ICA1L: variants seen among roughly 807,000 people sequenced by gnomAD.
ICA1L encodes the protein islet cell autoantigen 1-like protein.
In ICA1L, 50 loss-of-function variants were observed where a neutral mutation model predicts 61.3. The observed-to-expected ratio is 0.82, with a 90% confidence interval of 0.65 to 1.03. The LOEUF (loss-of-function observed/expected upper bound fraction) is 1.03. Among genes scored for constraint, ICA1L ranks in the 50% least tolerant of loss-of-function variants. The pLI, the probability that ICA1L is intolerant of heterozygous loss-of-function variation, is 0.00. For missense variants in ICA1L, 508 were observed against 556.7 expected (o/e 0.91, Z 0.88); for synonymous variants, 161 against 191.3 (o/e 0.84, Z 1.31).
chr2:202,799,563 G>C (rs894575368), intron 9 of ICA1L, among the ~76,000 whole-genome samples: 9 of 152,168 alleles, frequency 5.9e-5, no homozygotes, highest in Middle Eastern at 3.2e-3. Context: ...CCATTGAAGA[G>C]ATTGTAGCTA....
intron 1 of ICA1L, chr2:202,870,562 A>G (rs1421332778): frequency 6.6e-6 from 1 of 152,236 alleles, no homozygotes; most frequent in East Asian, 1.9e-4. Flanking sequence ...CAGTAAATGT[A>G]TAATTAACTC....
chr2:202,839,603 TG>T (rs1694264225), intron 1 of ICA1L, among the ~76,000 whole-genome samples: 1 of 140,038 alleles, frequency 7.1e-6, no homozygotes, highest in South Asian at 2.4e-4. Flanking sequence ...TGTGTGTGTG[TG>T]TGTGTGTGTG....
At chr2:202,807,154 CAT>C (rs1472287369) in intron 9 of ICA1L, among the ~76,000 whole-genome samples, 2 of 152,194 alleles carry the variant, frequency 1.3e-5, no homozygotes, top group African/African-American at 4.8e-5. Flanking sequence ...AACAACCAAA[CAT>C]CGGGTGAGAG....
chr2:202,813,779 TAATAA>T lies in ICA1L; in HGVS notation c.866+918_866+922del, dbSNP rs763207535. Among the ~76,000 whole-genome samples the T allele has an allele frequency of 4.6e-5, 7 of 152,326 alleles. No homozygotes were observed. In the East Asian group the frequency reaches 1.3e-3, roughly 29 times the overall value. The stretch of plus-strand genomic sequence containing the variant: ...AAAGAAAAACAAAGGGACAATAATA[TAATAA>T]AAGGGAAACGGGGCATGAAGGATGT... On this transcript the variant is annotated intron_variant, in intron 8 of 12. Transcript: ENST00000358299.
At position 202,853,033 on chromosome 2, in the gene ICA1L, C is replaced by T. The variant is rs550829908; in HGVS notation, c.-8+18586G>A. ...GCTGAAACCAGAACCCTTCCTTACACCTTATACAAAAATTAATTCAAGATT... is the reference window on the plus strand; with the variant it reads ...GCTGAAACCAGAACCCTTCCTTACATCTTATACAAAAATTAATTCAAGATT... On this transcript the variant is annotated intron_variant, in intron 1 of 12. Coordinates refer to ENST00000358299, the MANE Select transcript of ICA1L (RefSeq NM_001288622.3). 3.0e-4 allele frequency among the ~76,000 whole-genome samples: 45 copies of T among 151,994 alleles called. 1 individual carries two copies. In the South Asian group the frequency reaches 8.1e-3, roughly 27 times the overall value.
rs146456237 is a variant in ICA1L at position 202,838,494 on chromosome 2, G to A, written c.-7-9478C>T. Among the ~76,000 whole-genome samples, 159 of 152,110 alleles carry A rather than the reference G, an allele frequency of 1.0e-3. 2 individuals carry two copies. In the East Asian group the frequency reaches 0.024, roughly 23 times the overall value. On this transcript the variant is annotated intron_variant, in intron 1 of 12. Transcript: ENST00000358299. The stretch of plus-strand genomic sequence containing the variant: ...TGTTTCCTTACTGAATTTCTTTCTG[G>A]GTATCTGTCCATTGTTGACAGTGGG...
intron 10 of ICA1L, among the ~76,000 whole-genome samples, chr2:202,795,577 G>A (rs1240458041): frequency 1.3e-5 from 2 of 151,332 alleles, no homozygotes; most frequent in African/African-American, 4.9e-5. Flanking sequence ...CCTGGGCAAT[G>A]AGGGCGAAAC....
At position 202,818,411 on chromosome 2, in the gene ICA1L, G is replaced by C. The variant is rs544897224; in HGVS notation, c.559-868C>G. Among the ~76,000 whole-genome samples, 48 of 152,280 alleles carry C rather than the reference G, an allele frequency of 3.2e-4. No homozygotes were observed. In the South Asian group the frequency reaches 3.3e-3, roughly 11 times the overall value. On this transcript the variant is annotated intron_variant, in intron 5 of 12. Coordinates refer to ENST00000358299, the MANE Select transcript of ICA1L (RefSeq NM_001288622.3). ...AACAAGAAGCAAGGAGGTAGAGCAC[G>C]TTCTTCCTGGAGTGTAGGAAGCAAG... is the stretch of plus-strand genomic sequence containing the variant.
chr2:202,833,568 G>C (rs953137314), intron 1 of ICA1L, among the ~76,000 whole-genome samples: 1 of 152,072 alleles, frequency 6.6e-6, no homozygotes, highest in African/African-American at 2.4e-5. Flanking sequence ...CTGGGCGACA[G>C]AGTGACAGCC....
In ICA1L at chr2:202,828,996, C is replaced by A; in HGVS notation, c.14G>T (p.Gly5Val). 6.3e-7 allele frequency: 1 copy of A among 1,577,828 alleles called. No individual in the cohort carries two copies. Among genetic ancestry groups the A allele is most frequent in the South Asian group, 1.2e-5 (1 of 84,070 alleles). ...CTGATTATCTTCTGGTCTGGGTTGC[C>A]CAAAGGAATCCATGGAGTGACTACA... MDSF[G>V]QPRPEDNQSV... The change falls in exon 2 of 13, where the codon GGG (glycine) becomes GTG (valine). Residue 5 changes from glycine (G) to valine (V), a missense_variant. By Grantham distance (109) the Gly-to-Val change is moderately radical. Coordinates refer to ENST00000358299, the MANE Select transcript of ICA1L (RefSeq NM_001288622.3).
At position 202,788,936 on chromosome 2, in the gene ICA1L, G is replaced by A; in HGVS notation, c.1137C>T (p.Leu379=). 6.2e-7 allele frequency: 1 copy of A among 1,614,178 alleles called. No individual in the cohort carries two copies. Among genetic ancestry groups the A allele is most frequent in the Non-Finnish European group, 8.5e-7 (1 of 1,180,020 alleles). ...QTAFGSPSAS[L]TSQEPSMGSE... ...ACCCCATGGAAGGCTCCTGGGATGT[G>A]AGACTGGCACTGGGGCTCCCAAAGG... is the stretch of plus-strand genomic sequence containing the variant. The change falls in exon 11 of 13, where the codon CTC becomes CTT. Residue 379 remains leucine, a synonymous_variant. Coordinates refer to ENST00000358299, the MANE Select transcript of ICA1L (RefSeq NM_001288622.3).
intron 1 of ICA1L, among the ~76,000 whole-genome samples, chr2:202,865,554 A>C (rs1390011302): frequency 1.3e-5 from 2 of 152,168 alleles, no homozygotes; most frequent in Non-Finnish European, 1.5e-5. Context: ...TTTACCTTTA[A>C]TATTGGGAAA....
At chr2:202,812,422 C>T (rs1320476157) in intron 8 of ICA1L, among the ~76,000 whole-genome samples, 1 of 151,902 alleles carries the variant, frequency 6.6e-6, no homozygotes, top group African/African-American at 2.4e-5. Flanking sequence ...ACCAAAAATA[C>T]AAAAATTAGC....
intron 1 of ICA1L, among the ~76,000 whole-genome samples, chr2:202,852,751 T>C (rs1425377361): frequency 6.6e-6 from 1 of 150,898 alleles, no homozygotes; most frequent in Non-Finnish European, 1.5e-5. Context: ...GACTTTTTAA[T>C]GATCACCATT....
intron 9 of ICA1L, among the ~76,000 whole-genome samples, chr2:202,806,287 A>G (rs1001411941): frequency 6.6e-6 from 1 of 152,188 alleles, no homozygotes; most frequent in African/African-American, 2.4e-5. Flanking sequence ...GACAAGGTAG[A>G]GTCCCAAGGC....
At chr2:202,844,606 A>C (rs1486122671) in intron 1 of ICA1L, 2 of 152,108 alleles carry the variant, frequency 1.3e-5, no homozygotes, top group Admixed American at 1.3e-4. Context: ...GAGAAGAAAG[A>C]AGGAATTGAG....
At chr2:202,850,578 A>T (rs1176511720) in intron 1 of ICA1L, among the ~76,000 whole-genome samples, 1 of 152,230 alleles carries the variant, frequency 6.6e-6, no homozygotes, top group Non-Finnish European at 1.5e-5. Context: ...GCATGAAGAC[A>T]AAATTAGAGA....
intron 1 of ICA1L, chr2:202,840,442 C>T (rs890532592): frequency 6.1e-6 from 3 of 494,602 alleles, no homozygotes; most frequent in Non-Finnish European, 1.2e-5. Context: ...AGATGGAGCC[C>T]ATGCCAGAGC....
intron 10 of ICA1L, among the ~76,000 whole-genome samples, chr2:202,793,773 G>A (rs1692831062): frequency 6.6e-6 from 1 of 151,656 alleles, no homozygotes; most frequent in Non-Finnish European, 1.5e-5. Flanking sequence ...GAGCACCTGA[G>A]GTCAGGAGTT....
Sources: gnomAD v4.1 joint callset for allele counts (sites outside exome capture counted in the v4.1 genomes callset) on GRCh38, gnomAD v4.1.1 for gene constraint, MANE v1.5 for transcripts, NCBI Gene and HGNC (gene_info 2026-07-23, HGNC 2026-07-21) for gene names.